PRR5: variants seen among roughly 807,000 people sequenced by gnomAD.
PRR5 encodes proline-rich protein 5.
Under a neutral mutation model 30.6 loss-of-function variants are expected in PRR5, and 25 were observed. The ratio of observed to expected loss-of-function variants is 0.82; its 90% CI spans 0.60 to 1.14. PRR5 has a LOEUF of 1.14. PRR5 is among the 50% of genes most tolerant of loss of function. The probability of loss-of-function intolerance (pLI) is 0.00; values close to 1 mark genes in which losing one functional copy is unlikely to be tolerated. For missense variants in PRR5, 600 were observed against 547.1 expected, an observed-to-expected ratio of 1.10 and a Z score of -0.96; for synonymous variants, 286 against 247.1, an observed-to-expected ratio of 1.16 and a Z score of -1.48.
upstream of PRR5, among the ~76,000 whole-genome samples, chr22:44,697,698 G>A (rs567247041): frequency 1.3e-5 from 2 of 152,342 alleles, no homozygotes; most frequent in South Asian, 4.1e-4. Flanking sequence ...TGGGCGAGAT[G>A]GAGGCTGTCT....
At chr22:44,670,501 G>A (rs1427121795) in intron 1 of PRR5, among the ~76,000 whole-genome samples, 2 of 152,146 alleles carry the variant, frequency 1.3e-5, no homozygotes, top group Admixed American at 6.5e-5. Flanking sequence ...CACCCACAGG[G>A]GCAGTCAGGG....
At chr22:44,676,549 G>A (rs1923784265), upstream of PRR5, among the ~76,000 whole-genome samples, 1 of 152,116 alleles carries the variant, frequency 6.6e-6, no homozygotes, top group Admixed American at 6.6e-5. Flanking sequence ...GGCGGCAATG[G>A]CCCTGGGCCA....
upstream of PRR5, among the ~76,000 whole-genome samples, chr22:44,675,145 G>C (rs962882448): frequency 9.9e-5 from 15 of 150,828 alleles, no homozygotes; most frequent in African/African-American, 3.7e-4. Context: ...AGCTACTCAG[G>C]AGGCTGAGGC....
intron 1 of PRR5, among the ~76,000 whole-genome samples, chr22:44,682,261 A>G (rs1204856622): frequency 6.6e-6 from 1 of 152,228 alleles, no homozygotes; most frequent in East Asian, 1.9e-4. Flanking sequence ...AGGCAGTGTC[A>G]CGGTCACTGA....
chr22:44,727,874 C>T (rs1921145673), intron 4 of PRR5, among the ~76,000 whole-genome samples: 1 of 152,296 alleles, frequency 6.6e-6, no homozygotes, highest in South Asian at 2.1e-4. Context: ...ATCAGACCGT[C>T]GGGGAGACAT....
chr22:44,736,950 C>T lies in PRR5; in HGVS notation c.870C>T (p.Pro290=), dbSNP rs568772935. ...CTGTGTCGGAGATGACGTCCTGCCCCGAGCCTCAGGGCTTCTCCGACCCGC... is the reference window on the plus strand; with the variant it reads ...CTGTGTCGGAGATGACGTCCTGCCCTGAGCCTCAGGGCTTCTCCGACCCGC... ...RHSVSEMTSC[P]EPQGFSDPPG... The change falls in exon 8 of 8, where the codon CCC becomes CCT. Residue 290 remains proline, a synonymous_variant. Transcript: ENST00000336985. 1.1e-4 allele frequency: 180 copies of T among 1,605,306 alleles called. 3 individuals carry two copies. The South Asian group carries it at 1.7e-3, about 15-fold the overall frequency.
intron 1 of PRR5, among the ~76,000 whole-genome samples, chr22:44,684,523 G>C (rs1924574567): frequency 6.6e-6 from 1 of 152,214 alleles, no homozygotes; most frequent in Non-Finnish European, 1.5e-5. Context: ...CTCCAGCCTG[G>C]GCAACAGAGC....
At chr22:44,675,224 C>G (rs1454356502), upstream of PRR5, among the ~76,000 whole-genome samples, 1 of 151,550 alleles carries the variant, frequency 6.6e-6, no homozygotes, top group African/African-American at 2.4e-5. Context: ...CACTCCAGCC[C>G]AGGTGACAGA....
chr22:44,725,301 G>A lies in PRR5; in HGVS notation c.264+9G>A. Reference sequence around the variant, plus strand: ...TCACGGAGTACCTGCAGGTAGGTGGGTCTTGCTCCAGCCAGGCTGGGCCTG... The same window carrying A: ...TCACGGAGTACCTGCAGGTAGGTGGATCTTGCTCCAGCCAGGCTGGGCCTG... On this transcript the variant is annotated intron_variant, in intron 3 of 7. Coordinates refer to ENST00000336985, the MANE Select transcript of PRR5 (RefSeq NM_181333.4). 1 of 1,612,970 alleles carries A rather than the reference G, an allele frequency of 6.2e-7. No individual in the cohort carries two copies. The highest frequency in any genetic ancestry group is 8.5e-7 in the Non-Finnish European group (1 of 1,179,938).
At chr22:44,675,966 G>A (rs78714802), upstream of PRR5, among the ~76,000 whole-genome samples, 3,313 of 151,946 alleles carry the variant, frequency 0.022, 131 homozygotes, top group African/African-American at 0.077. Context: ...GGTGCTGGGA[G>A]AACTTGATTG....
intron 7 of PRR5, among the ~76,000 whole-genome samples, chr22:44,735,949 C>A (rs573436399): frequency 7.2e-5 from 11 of 152,334 alleles, no homozygotes; most frequent in African/African-American, 2.6e-4. Context: ...ATGGCAGGAC[C>A]CCAGCCCCTG....
intron 1 of PRR5, among the ~76,000 whole-genome samples, chr22:44,671,242 C>G (rs1046943209): frequency 6.6e-6 from 1 of 152,150 alleles, no homozygotes; most frequent in Non-Finnish European, 1.5e-5. Context: ...CCAGCCATCT[C>G]TTAGATTAGA....
At chr22:44,697,718 G>C (rs778384722), upstream of PRR5, among the ~76,000 whole-genome samples, 2 of 152,192 alleles carry the variant, frequency 1.3e-5, no homozygotes, top group East Asian at 1.9e-4. Flanking sequence ...TCTCTCTCCC[G>C]CCCAGCCCGC....
intron 1 of PRR5, among the ~76,000 whole-genome samples, chr22:44,677,687 T>C (rs1186629059): frequency 6.6e-6 from 1 of 152,164 alleles, no homozygotes; most frequent in Non-Finnish European, 1.5e-5. Flanking sequence ...CTAGGGGAGC[T>C]TATGCCACGG....
intron 1 of PRR5, among the ~76,000 whole-genome samples, chr22:44,693,669 G>A (rs1925485671): frequency 1.5e-5 from 2 of 136,816 alleles, no homozygotes; most frequent in South Asian, 5.3e-4. Context: ...TGTCACCTAG[G>A]CTGGAGTGCA....
chr22:44,733,718 C>T (rs1332676733), intron 6 of PRR5, among the ~76,000 whole-genome samples: 1 of 152,178 alleles, frequency 6.6e-6, no homozygotes, highest in African/African-American at 2.4e-5. Flanking sequence ...CAGACAATTC[C>T]AGGGACACGT....
intron 1 of PRR5, among the ~76,000 whole-genome samples, chr22:44,710,601 C>T (rs1418517048): frequency 6.6e-6 from 1 of 152,058 alleles, no homozygotes; most frequent in Non-Finnish European, 1.5e-5. Flanking sequence ...CCTCCTCGCC[C>T]TTCCTGTATC....
chr22:44,677,159 A>C (rs79507698), exon 1 of PRR5: 5,285 of 152,512 alleles, frequency 0.035, 120 homozygotes, highest in East Asian at 0.12. Context: ...GTCGCAGAGC[A>C]GAGGAGACCC....
intron 2 of PRR5, among the ~76,000 whole-genome samples, chr22:44,722,908 A>G (rs1930151433): frequency 6.6e-6 from 1 of 152,194 alleles, no homozygotes; most frequent in Non-Finnish European, 1.5e-5. Context: ...GGGCTTCCAA[A>G]ATGACTACAC....
Sources: gnomAD v4.1 joint callset for allele counts (sites outside exome capture counted in the v4.1 genomes callset) on GRCh38, gnomAD v4.1.1 for gene constraint, MANE v1.5 for transcripts, NCBI Gene and HGNC (gene_info 2026-07-23, HGNC 2026-07-21) for gene names.